Variants in EPB41L2 observed in about 807,000 individuals in gnomAD.
EPB41L2 encodes the protein erythrocyte membrane protein band 4.1 like 2.
A neutral mutation model predicts 113.0 loss-of-function variants in EPB41L2; 43 were observed. The observed-to-expected ratio is 0.38, with a 90% confidence interval of 0.30 to 0.49. EPB41L2 has a LOEUF of 0.49. Among genes scored for constraint, EPB41L2 ranks in the 20% least tolerant of loss-of-function variants. The pLI is 0.95. For missense variants in EPB41L2, 1,147 were observed against 1,223.4 expected (o/e 0.94, Z 0.93); for synonymous variants, 442 against 436.7 (o/e 1.01, Z -0.15).
chr6:130,893,607 C>G (rs1793662010), intron 10 of EPB41L2, among the ~76,000 whole-genome samples: 1 of 152,136 alleles, frequency 6.6e-6, no homozygotes, highest in Admixed American at 6.5e-5. Context: ...TAGCACTAAT[C>G]CATAGAGTTG....
Position 130,872,616 on chromosome 6 carries a change from A to G in EPB41L2, c.2044-2490T>C, listed in dbSNP as rs866556479. On this transcript the variant is annotated intron_variant, in intron 14 of 19. Transcript: ENST00000337057. ...CAGCAGTGACCTATTGGAAGAAAGG[A>G]AAGGTTACACAAGAAAGAACAACAG... 36 of 1,002,030 alleles carry G rather than the reference A, an allele frequency of 3.6e-5. 1 individual carries two copies. The highest frequency in any genetic ancestry group is 8.3e-4 in the Middle Eastern group (2 of 2,410). 62.1% of individuals were successfully genotyped at this position (1,002,030 alleles called of 1,614,324 possible).
At chr6:130,863,409 C>G (rs1782755774) in intron 18 of EPB41L2, among the ~76,000 whole-genome samples, 1 of 152,142 alleles carries the variant, frequency 6.6e-6, no homozygotes, top group Admixed American at 6.5e-5. Context: ...TACGTTGACC[C>G]AAAAGTGCAT....
chr6:130,954,993 C>A, intron 3 of EPB41L2, 112 bp downstream of exon 3: 1 of 920,748 alleles, frequency 1.1e-6, no homozygotes, highest in South Asian at 1.6e-5. Context: ...TTTTTTAGTG[C>A]AAAACTGTAA....
intron 1 of EPB41L2, among the ~76,000 whole-genome samples, chr6:131,038,978 A>AT (rs909018076): frequency 6.6e-5 from 10 of 151,570 alleles, no homozygotes; most frequent in African/African-American, 1.5e-4. Context: ...CAAAACCAAC[A>AT]TTTTTTTTTA....
intron 14 of EPB41L2, 170 bp from the exon 15 acceptor site, chr6:130,870,296 G>A: frequency 6.5e-7 from 1 of 1,550,052 alleles, no homozygotes; most frequent in Non-Finnish European, 8.7e-7. Flanking sequence ...GAAACGTGAG[G>A]CAATGGTGTT....
intron 18 of EPB41L2, among the ~76,000 whole-genome samples, 188 bp downstream of exon 18, chr6:130,863,448 CTG>C (rs1429383023): frequency 3.3e-5 from 5 of 152,154 alleles, no homozygotes; most frequent in African/African-American, 1.2e-4. Context: ...AAAGAGAAAT[CTG>C]TGTTTTATTC....
intron 1 of EPB41L2, 36 bp downstream of exon 1, chr6:131,063,119 T>G (rs969435081): frequency 2.6e-5 from 4 of 153,020 alleles, no homozygotes; most frequent in African/African-American, 4.8e-5. Flanking sequence ...GCCCGGCCCG[T>G]GCAGCCCCGC....
chr6:130,888,929 T>C (rs2128477463), intron 11 of EPB41L2, among the ~76,000 whole-genome samples: 1 of 152,306 alleles, frequency 6.6e-6, no homozygotes, highest in Non-Finnish European at 1.5e-5. Context: ...AATATCTCTA[T>C]GTGTCCACCT....
intron 1 of EPB41L2, among the ~76,000 whole-genome samples, chr6:131,023,731 A>G (rs111974852): frequency 1.1e-3 from 100 of 88,438 alleles, no homozygotes; most frequent in South Asian, 1.7e-3. Flanking sequence ...GTGTGTGTGT[A>G]TATATATCTA....
chr6:131,023,774 T>C (rs541109914), intron 1 of EPB41L2, among the ~76,000 whole-genome samples: 1,939 of 148,212 alleles, frequency 0.013, 29 homozygotes, highest in Non-Finnish European at 0.021. Context: ...GATATATAGA[T>C]ATATAGATAT....
chr6:130,850,215 G>A (rs754476201), intron 19 of EPB41L2, among the ~76,000 whole-genome samples: 11 of 152,130 alleles, frequency 7.2e-5, no homozygotes, highest in East Asian at 3.9e-4. Flanking sequence ...TCCAGTCTGC[G>A]CGACAAGAGG....
intron 3 of EPB41L2, among the ~76,000 whole-genome samples, chr6:130,950,247 G>T (rs2128607512): frequency 6.6e-6 from 1 of 151,190 alleles, no homozygotes; most frequent in Admixed American, 6.6e-5. Context: ...GAGATGAAAT[G>T]TTACAAAATA....
At chr6:130,869,038 T>A (rs1336502750) in intron 15 of EPB41L2, 1 of 157,188 alleles carries the variant, frequency 6.4e-6, no homozygotes, top group Non-Finnish European at 1.4e-5. Context: ...CACTGCTGGA[T>A]ACTGCATTCA....
At chr6:130,897,116 G>T (rs534460766) in intron 8 of EPB41L2, among the ~76,000 whole-genome samples, 1 of 152,078 alleles carries the variant, frequency 6.6e-6, no homozygotes, top group Non-Finnish European at 1.5e-5. Flanking sequence ...GGGCTACCAC[G>T]GGTGTCCCGC....
intron 3 of EPB41L2, among the ~76,000 whole-genome samples, chr6:130,950,231 C>T (rs1191114836): frequency 6.6e-6 from 1 of 151,628 alleles, no homozygotes; most frequent in Admixed American, 6.6e-5. Context: ...AGAAAAAGAG[C>T]AAAACGAGAT....
chr6:130,959,384 A>C (rs1042379205), intron 1 of EPB41L2, among the ~76,000 whole-genome samples: 1 of 152,168 alleles, frequency 6.6e-6, no homozygotes, highest in African/African-American at 2.4e-5. Flanking sequence ...CCTAGAGAAA[A>C]AGGGTAGCTT....
chr6:130,954,040 CTTTTTTTTTTT>C (rs780758511), intron 3 of EPB41L2, among the ~76,000 whole-genome samples: 36 of 58,860 alleles, frequency 6.1e-4, no homozygotes, highest in South Asian at 3.7e-3. Flanking sequence ...CCTTTTCTTT[CTTTTTTTTTTT>C]TTTTTTTTTT....
At chr6:130,887,229 C>A (rs911071591) in intron 11 of EPB41L2, among the ~76,000 whole-genome samples, 1 of 152,120 alleles carries the variant, frequency 6.6e-6, no homozygotes, top group Admixed American at 6.6e-5. Context: ...GAAGCCGATA[C>A]ATTTATTCAG....
rs185235651 is a variant in EPB41L2 at position 130,992,742 on chromosome 6, T to C, written c.-14-36243A>G. 2.7e-3 allele frequency among the ~76,000 whole-genome samples: 409 copies of C among 152,156 alleles called. 2 individuals carry two copies. Among genetic ancestry groups the C allele is most frequent in the Middle Eastern group, 6.8e-3 (2 of 294 alleles). On this transcript the variant is annotated intron_variant, in intron 1 of 19. Transcript: ENST00000337057. ...GCCTCCCAGGTTCAAGCAATTCTCC[T>C]GCCTCAGCCTCCCAAGCAGCTGGCA...
Sources: gnomAD v4.1 joint callset for allele counts (sites outside exome capture counted in the v4.1 genomes callset) on GRCh38, gnomAD v4.1.1 for gene constraint, MANE v1.5 for transcripts, NCBI Gene and HGNC (gene_info 2026-07-23, HGNC 2026-07-21) for gene names.